LINGO2: variants seen among roughly 807,000 people sequenced by gnomAD.
The protein encoded by LINGO2 is leucine-rich repeat and immunoglobulin-like domain-containing nogo receptor-interacting protein 2.
LINGO2 carries 14 observed loss-of-function variants against 30.6 expected under a neutral mutation model. The observed-to-expected ratio is 0.46, with a 90% CI of 0.30 to 0.72. The LOEUF (loss-of-function observed/expected upper bound fraction) is 0.72. LINGO2 is among the 30% of genes least tolerant of loss of function. The pLI is 0.07. For synonymous variants in LINGO2, 317 were observed against 288.5 expected (o/e 1.10, Z -1.00); for missense variants, 729 against 751.7 (o/e 0.97, Z 0.35).
intron 1 of LINGO2, among the ~76,000 whole-genome samples, chr9:28,579,353 A>G (rs1824150330): frequency 6.6e-6 from 1 of 152,146 alleles, no homozygotes; most frequent in Non-Finnish European, 1.5e-5. Context: ...ACAGAAAAGT[A>G]CATCCATTTT....
the LINGO2 span, among the ~76,000 whole-genome samples, chr9:29,196,737 T>C: frequency 2.0e-5 from 3 of 152,074 alleles, no homozygotes; most frequent in Admixed American, 6.6e-5. Flanking sequence ...ATAAATGTAA[T>C]TGATGTTTAA....
chr9:28,671,484 T>C (rs143631917), upstream of LINGO2, among the ~76,000 whole-genome samples: 899 of 126,698 alleles, frequency 7.1e-3, 3 homozygotes, highest in Middle Eastern at 0.021. Flanking sequence ...TTTAGCAACA[T>C]GGACAGAGCT....
rs147245639 is a variant in LINGO2 at position 28,536,344 on chromosome 9, A to G, written c.-364-60319T>C. 1.1e-3 allele frequency among the ~76,000 whole-genome samples: 175 copies of G among 152,260 alleles called. 2 individuals are homozygous for G. The East Asian group carries it at 0.031, about 27-fold the overall frequency. On this transcript the variant is annotated intron_variant, in intron 1 of 5. Transcript: ENST00000379992. Reference sequence around the variant, plus strand: ...AGGGATTTTTACCCCTTACATAAACAAACACTGGCTTCCTAAAGGGAATAT... The same window carrying G: ...AGGGATTTTTACCCCTTACATAAACGAACACTGGCTTCCTAAAGGGAATAT...
intron 1 of LINGO2, among the ~76,000 whole-genome samples, chr9:28,483,899 G>A (rs895001582): frequency 6.6e-6 from 1 of 151,928 alleles, no homozygotes; most frequent in Non-Finnish European, 1.5e-5. Flanking sequence ...TTTCCTTCAT[G>A]TAGATCAATG....
rs142817124 is a variant in LINGO2 at position 28,402,789 on chromosome 9, T to C, written c.-278-29921A>G. ...AGGCTATCTTTCCCATCACGTTTTT[T>C]CTGTCTTCTTTCTCAGTGGACCCCC... On this transcript the variant is annotated intron_variant, in intron 2 of 5. Coordinates refer to ENST00000379992, the Ensembl canonical transcript of LINGO2. Among the ~76,000 whole-genome samples the C allele has an allele frequency of 9.1e-3, 1,386 of 152,230 alleles. 25 individuals carry two copies. Among genetic ancestry groups the C allele is most frequent in the African/African-American group, 0.028 (1,176 of 41,540 alleles).
intron 4 of LINGO2, among the ~76,000 whole-genome samples, chr9:28,174,602 A>T (rs1828691216): frequency 6.6e-6 from 1 of 152,274 alleles, no homozygotes. Context: ...ACATATAGGG[A>T]GATGACTCTG....
At chr9:28,429,405 C>T (rs4529547) in intron 2 of LINGO2, among the ~76,000 whole-genome samples, 19,289 of 152,122 alleles carry the variant, frequency 0.13, 1,416 homozygotes, top group East Asian at 0.23. Context: ...AAGATATTCC[C>T]TTATGTTATG....
At chr9:28,708,778 T>TATCC in the LINGO2 span, among the ~76,000 whole-genome samples, 4 of 152,028 alleles carry the variant, frequency 2.6e-5, no homozygotes, top group East Asian at 7.7e-4. Context: ...TCTATCTATC[T>TATCC]ATCTATCTAT....
rs748225412 is a variant in LINGO2, at chr9:28,039,001, G to A, written c.-86-26596C>T. On this transcript the variant is annotated intron_variant, in intron 4 of 5. Transcript: ENST00000379992. ...ACAATTCTTTTTGATTGTGTAGCAC[G>A]AAATCTTAAAGGAGTTTGGCAAGGA... Among the ~76,000 whole-genome samples, 505 of 152,200 alleles carry A rather than the reference G, an allele frequency of 3.3e-3. 2 individuals are homozygous for A. The highest frequency in any genetic ancestry group is 5.5e-3 in the Non-Finnish European group (377 of 68,004).
chr9:28,179,970 T>C (rs997142677), intron 4 of LINGO2, among the ~76,000 whole-genome samples: 2 of 152,198 alleles, frequency 1.3e-5, no homozygotes, highest in African/African-American at 4.8e-5. Flanking sequence ...TCTTTGAATG[T>C]AGACTATAAG....
chr9:28,494,809 G>A (rs1204994106), intron 1 of LINGO2, among the ~76,000 whole-genome samples: 1 of 152,176 alleles, frequency 6.6e-6, no homozygotes, highest in East Asian at 1.9e-4. Flanking sequence ...TTCCACAATG[G>A]TTGAACAACT....
chr9:28,884,309 G>A, the LINGO2 span, among the ~76,000 whole-genome samples: 6 of 151,932 alleles, frequency 3.9e-5, no homozygotes, highest in South Asian at 1.2e-3. Context: ...TATTACCCTT[G>A]ATAATTGTAT....
chr9:28,058,422 A>C (rs1039683252), intron 4 of LINGO2, among the ~76,000 whole-genome samples: 2 of 152,182 alleles, frequency 1.3e-5, no homozygotes, highest in African/African-American at 4.8e-5. Context: ...CAAGAGAGTG[A>C]GTGCTACAAT....
chr9:28,425,776 A>G (rs1823384921), intron 2 of LINGO2, among the ~76,000 whole-genome samples: 1 of 152,088 alleles, frequency 6.6e-6, no homozygotes, highest in African/African-American at 2.4e-5. Context: ...GCTGCCTATG[A>G]CCTGTGTTAA....
chr9:28,584,212 C>T (rs753567755), intron 1 of LINGO2, among the ~76,000 whole-genome samples: 31 of 151,954 alleles, frequency 2.0e-4, no homozygotes, highest in Admixed American at 1.2e-3. Flanking sequence ...TTTTTTCTTA[C>T]TTTAGTATTT....
chr9:28,211,167 A>C (rs1417812183), intron 4 of LINGO2, among the ~76,000 whole-genome samples: 3 of 151,642 alleles, frequency 2.0e-5, no homozygotes, highest in African/African-American at 7.2e-5. Flanking sequence ...AACATGGACT[A>C]TACAAATATA....
At chr9:28,479,889 GTGTA>G (rs1825873145) in intron 1 of LINGO2, among the ~76,000 whole-genome samples, 2 of 134,172 alleles carry the variant, frequency 1.5e-5, no homozygotes, top group Admixed American at 1.6e-4. Context: ...GTGTGTATGT[GTGTA>G]TGTGTATATA....
intron 4 of LINGO2, among the ~76,000 whole-genome samples, chr9:28,201,596 T>A (rs1352152499): frequency 4.0e-5 from 6 of 151,274 alleles, no homozygotes; most frequent in Admixed American, 1.3e-4. Flanking sequence ...ATATACCCAG[T>A]AATGGGATGG....
chr9:28,502,998 C>T (rs554632000), intron 1 of LINGO2, among the ~76,000 whole-genome samples: 3 of 152,016 alleles, frequency 2.0e-5, no homozygotes, highest in Non-Finnish European at 4.4e-5. Flanking sequence ...TGCCTGTGAG[C>T]ACTTAGAGGC....
Sources: allele counts gnomAD v4.1 joint callset (sites outside exome capture counted in the v4.1 genomes callset), GRCh38; gene constraint gnomAD v4.1.1; transcripts MANE v1.5; gene names NCBI Gene and HGNC (gene_info 2026-07-23, HGNC 2026-07-21).